Variants in UNC79 observed in about 807,000 individuals in gnomAD.
UNC79 encodes the protein unc-79 subunit of NALCN channel complex.
Under a neutral mutation model 283.1 loss-of-function variants are expected in UNC79, and 37 were observed. That is an observed-to-expected ratio of 0.13 (90% confidence interval 0.10 to 0.17). The LOEUF is 0.17. UNC79 is among the 10% of genes least tolerant of loss of function. UNC79 has a pLI of 1.00. For synonymous variants in UNC79, 1,107 were observed against 1,200.2 expected (o/e 0.92, Z 1.61); for missense variants, 2,272 against 3,211.1 (o/e 0.71, Z 7.07).
In UNC79 at chr14:93,634,500, C is replaced by T. The variant is rs77517169; in HGVS notation, c.5717-2716C>T. 93 of 1,542,266 alleles carry T rather than the reference C, an allele frequency of 6.0e-5. No homozygotes were observed. The East Asian group carries it at 2.1e-3, about 34-fold the overall frequency. On this transcript the variant is annotated intron_variant, in intron 31 of 48. Coordinates refer to ENST00000555664, the Ensembl canonical transcript of UNC79. ...TGTGGAAATTTATTATTATAATCAT[C>T]TCCTAATTTCCTCCATCTAGCTCAG...
At chr14:93,618,423 G>A in intron 29 of UNC79, 69 bp downstream of exon 30, 1 of 1,405,750 alleles carries the variant, frequency 7.1e-7, no homozygotes, top group Non-Finnish European at 9.3e-7. Flanking sequence ...TGTTTTCTTA[G>A]GAGATAGAAG....
At chr14:93,610,586 T>C (rs1157386865) in intron 26 of UNC79, among the ~76,000 whole-genome samples, 2 of 151,858 alleles carry the variant, frequency 1.3e-5, no homozygotes. Context: ...AAATCTAGAG[T>C]AAATATTTTT....
chr14:93,678,469 G>T (rs1216914044), intron 41 of UNC79, among the ~76,000 whole-genome samples: 3 of 152,180 alleles, frequency 2.0e-5, no homozygotes, highest in Non-Finnish European at 2.9e-5. Flanking sequence ...AGCTCACTAA[G>T]ATGGAACCAT....
intron 48 of UNC79, among the ~76,000 whole-genome samples, chr14:93,706,271 T>C (rs552403103): frequency 2.7e-4 from 41 of 152,176 alleles, no homozygotes; most frequent in African/African-American, 9.6e-4. Context: ...CCTTTACCCA[T>C]GAGAAAACCC....
intron 1 of UNC79, among the ~76,000 whole-genome samples, chr14:93,358,165 A>G (rs919824969): frequency 2.6e-5 from 4 of 151,922 alleles, no homozygotes; most frequent in African/African-American, 9.7e-5. Context: ...TTCTAATAGT[A>G]TGGAGAACAC....
intron 1 of UNC79, among the ~76,000 whole-genome samples, chr14:93,406,507 G>C (rs911537693): frequency 6.6e-6 from 1 of 152,130 alleles, no homozygotes; most frequent in African/African-American, 2.4e-5. Context: ...AGGATCACTT[G>C]AGCCCAGAAG....
chr14:93,528,568 A>G, exon 9 of UNC79: 2 of 1,613,800 alleles, frequency 1.2e-6, no homozygotes, highest in Non-Finnish European at 1.7e-6. Context: ...ATGTGTATAG[A>G]CCCTTCCCTG....
At chr14:93,401,145 T>C (rs1025758876) in intron 1 of UNC79, among the ~76,000 whole-genome samples, 4 of 152,218 alleles carry the variant, frequency 2.6e-5, no homozygotes, top group Non-Finnish European at 5.9e-5. Context: ...GCAGAGTGGT[T>C]GGGACAAAAA....
upstream of UNC79, among the ~76,000 whole-genome samples, chr14:93,426,481 C>G (rs1233413154): frequency 6.6e-6 from 1 of 150,984 alleles, no homozygotes; most frequent in Non-Finnish European, 1.5e-5. Context: ...TCCTCTTCTT[C>G]TGTGAGTATA....
At chr14:93,671,952 A>C (rs1378632552) in intron 40 of UNC79, among the ~76,000 whole-genome samples, 1 of 152,228 alleles carries the variant, frequency 6.6e-6, no homozygotes, top group East Asian at 1.9e-4. Context: ...ATCTCTAATC[A>C]TCAGGGAAAT....
chr14:93,337,441 T>C (rs2053602958), intron 1 of UNC79, among the ~76,000 whole-genome samples: 1 of 152,214 alleles, frequency 6.6e-6, no homozygotes, highest in Non-Finnish European at 1.5e-5. Flanking sequence ...CTAGCTGACC[T>C]GTGGATGGTG....
At chr14:93,374,420 C>T (rs750623143) in intron 1 of UNC79, among the ~76,000 whole-genome samples, 5 of 152,170 alleles carry the variant, frequency 3.3e-5, no homozygotes, top group Non-Finnish European at 7.3e-5. Flanking sequence ...TAATGTTTAC[C>T]CTGCTGGGTT....
intron 1 of UNC79, among the ~76,000 whole-genome samples, chr14:93,339,316 T>C (rs141704928): frequency 0.015 from 2,215 of 152,258 alleles, 29 homozygotes; most frequent in Middle Eastern, 0.037. Flanking sequence ...TTCTTTTTTT[T>C]TGAGACAGAG....
chr14:93,513,588 G>C (rs191341912), intron 7 of UNC79, among the ~76,000 whole-genome samples: 1 of 152,214 alleles, frequency 6.6e-6, no homozygotes, highest in African/African-American at 2.4e-5. Context: ...TTTGTTACCT[G>C]CACAGACTGT....
At chr14:93,537,202 T>C (rs4900188) in intron 11 of UNC79, among the ~76,000 whole-genome samples, 88,834 of 152,084 alleles carry the variant, frequency 0.58, 26,722 homozygotes, top group Admixed American at 0.67. Flanking sequence ...AATAGCTTCA[T>C]GTGGGTGCTG....
intron 1 of UNC79, among the ~76,000 whole-genome samples, chr14:93,341,911 CAGCTAT>C (rs780065138): frequency 1.3e-5 from 2 of 152,170 alleles, no homozygotes; most frequent in Non-Finnish European, 2.9e-5. Context: ...AGGCCTTGGG[CAGCTAT>C]TCTTGTGTGG....
At chr14:93,342,501 AAT>A (rs2053735204) in intron 1 of UNC79, among the ~76,000 whole-genome samples, 1 of 152,158 alleles carries the variant, frequency 6.6e-6, no homozygotes, top group Admixed American at 6.5e-5. Flanking sequence ...GGATCTCTGA[AAT>A]ACCCTGGAGA....
intron 7 of UNC79, among the ~76,000 whole-genome samples, chr14:93,516,093 G>A (rs567922059): frequency 2.6e-5 from 4 of 152,032 alleles, no homozygotes; most frequent in South Asian, 4.2e-4. Flanking sequence ...GTTGAAAAGA[G>A]TATCTTTTCC....
chr14:93,587,528 C>A (rs550981116), intron 22 of UNC79, among the ~76,000 whole-genome samples: 2 of 152,252 alleles, frequency 1.3e-5, no homozygotes, highest in African/African-American at 4.8e-5. Flanking sequence ...CACATTGAGG[C>A]TCTATCTTTC....
Sources: allele counts gnomAD v4.1 joint callset (sites outside exome capture counted in the v4.1 genomes callset), GRCh38; gene constraint gnomAD v4.1.1; transcripts MANE v1.5; gene names NCBI Gene and HGNC (gene_info 2026-07-23, HGNC 2026-07-21).